Variants in GRID1 observed in about 807,000 individuals in gnomAD.
The protein encoded by GRID1 is glutamate receptor ionotropic, delta-1.
GRID1 carries 28 observed loss-of-function variants against 98.0 expected under a neutral mutation model. The ratio of observed to expected loss-of-function variants is 0.29; its 90% confidence interval spans 0.21 to 0.39. GRID1 has a LOEUF of 0.39. GRID1 is among the 10% of genes least tolerant of loss of function. The pLI is 1.00. For synonymous variants in GRID1, 553 were observed against 538.5 expected, an observed-to-expected ratio of 1.03 and a Z score of -0.37; for missense variants, 1,111 against 1,340.5, an observed-to-expected ratio of 0.83 and a Z score of 2.67.
intron 8 of GRID1, among the ~76,000 whole-genome samples, chr10:85,768,277 C>G (rs922284362): frequency 1.3e-5 from 2 of 151,692 alleles, no homozygotes; most frequent in South Asian, 2.1e-4. Context: ...AGGATGAATT[C>G]CAAAAAATCA....
rs200475062 is a variant in GRID1, at chr10:85,607,986, T to TA, written c.2602-5286dup. On this transcript the variant is annotated intron_variant, in intron 15 of 15. Transcript: ENST00000327946. ...TCACATACCATCTCACCTGGCTAAT[T>TA]AAAAAAAAATTGTAGAGACTGGGGT... Among the ~76,000 whole-genome samples, 1,062 of 151,030 alleles carry TA rather than the reference T, an allele frequency of 7.0e-3. 13 individuals carry two copies. Among genetic ancestry groups the TA allele is most frequent in the East Asian group, 0.048 (246 of 5,130 alleles).
At chr10:85,740,065 A>C (rs1841925288) in intron 8 of GRID1, among the ~76,000 whole-genome samples, 1 of 152,192 alleles carries the variant, frequency 6.6e-6, no homozygotes, top group Non-Finnish European at 1.5e-5. Flanking sequence ...AGTGCAATCT[A>C]GCTTATGACT....
intron 4 of GRID1, among the ~76,000 whole-genome samples, chr10:85,970,157 GAAATTGAATTGGTAATTTT>G (rs1842388413): frequency 6.6e-6 from 1 of 152,002 alleles, no homozygotes; most frequent in African/African-American, 2.4e-5. Context: ...AACAAGTTAA[GAAATTGAATTGGTAATTTT>G]AAAACTTCCC....
chr10:85,690,510 A>G (rs1841320002), intron 12 of GRID1, among the ~76,000 whole-genome samples: 1 of 152,200 alleles, frequency 6.6e-6, no homozygotes. Context: ...ACTATCTAAG[A>G]CCACCAAACA....
chr10:85,775,718 A>T (rs1842324490), intron 8 of GRID1, among the ~76,000 whole-genome samples: 1 of 152,162 alleles, frequency 6.6e-6, no homozygotes, highest in Non-Finnish European at 1.5e-5. Context: ...AAAATTTTAA[A>T]TTTTTTGTAA....
chr10:85,608,806 G>A (rs1407278368), intron 15 of GRID1, among the ~76,000 whole-genome samples: 3 of 152,182 alleles, frequency 2.0e-5, no homozygotes, highest in East Asian at 1.9e-4. Context: ...GATACACAGC[G>A]GTGTATGGTA....
In GRID1 at chr10:85,784,320, T is replaced by C. The variant is rs537913925; in HGVS notation, c.1234-54706A>G. 2.0e-5 allele frequency among the ~76,000 whole-genome samples: 3 copies of C among 152,234 alleles called. No homozygotes were observed. The East Asian group carries it at 5.8e-4, about 29-fold the overall frequency. On this transcript the variant is annotated intron_variant, in intron 8 of 15. Transcript: ENST00000327946. The stretch of plus-strand genomic sequence containing the variant: ...AACCAATCCTCAAGCCCATAAACAC[T>C]CCACAGCATGCACCTCAGGTGTGTC...
intron 2 of GRID1, among the ~76,000 whole-genome samples, chr10:86,344,962 C>T (rs1848361584): frequency 6.6e-6 from 1 of 152,222 alleles, no homozygotes; most frequent in African/African-American, 2.4e-5. Flanking sequence ...TAAATGCTCC[C>T]ACTTTCCCTG....
At position 85,958,970 on chromosome 10, in the gene GRID1, AAAG is replaced by A. The variant is rs1374818431; in HGVS notation, c.727-42734_727-42732del. Among the ~76,000 whole-genome samples, 286 of 148,554 alleles carry A rather than the reference AAAG, an allele frequency of 1.9e-3. 1 individual carries two copies. The highest frequency in any genetic ancestry group is 6.7e-3 in the African/African-American group (263 of 39,096). On this transcript the variant is annotated intron_variant, in intron 4 of 15. Transcript: ENST00000327946. ...GAAACTCCGTCTCAAAAAAAAAAAA[AAAG>A]AAAGAAAGAAAGAAAGAAAAAGAAA...
chr10:86,145,131 T>G (rs1290384357), intron 3 of GRID1, among the ~76,000 whole-genome samples: 1 of 152,224 alleles, frequency 6.6e-6, no homozygotes, highest in Admixed American at 6.5e-5. Context: ...AAAGCATCAG[T>G]CAATCAAGTT....
chr10:86,264,680 G>A (rs781754250), intron 2 of GRID1: 10 of 471,620 alleles, frequency 2.1e-5, no homozygotes, highest in Non-Finnish European at 4.4e-5. Flanking sequence ...GAAGAGCCAT[G>A]TCCCATGCAG....
chr10:85,779,037 A>C (rs2132723819), intron 8 of GRID1, among the ~76,000 whole-genome samples: 1 of 152,358 alleles, frequency 6.6e-6, no homozygotes, highest in South Asian at 2.1e-4. Context: ...AGTTCTGGAA[A>C]TGATTTAAGT....
intron 3 of GRID1, among the ~76,000 whole-genome samples, chr10:86,204,125 G>A (rs1366988593): frequency 6.6e-6 from 1 of 152,194 alleles, no homozygotes; most frequent in Non-Finnish European, 1.5e-5. Context: ...GGGTGGGGGA[G>A]TGTGACTGTA....
chr10:86,228,433 C>A lies in GRID1; in HGVS notation c.236-21785G>T, dbSNP rs144398083. ...CACAAAGGCACTTAGAAGGATTAAG[C>A]CTCCTTGATACAATTGGAGCAGCTG... On this transcript the variant is annotated intron_variant, in intron 2 of 15. Transcript: ENST00000327946. Among the ~76,000 whole-genome samples the A allele has an allele frequency of 6.2e-4, 95 of 152,218 alleles. 1 individual carries two copies. In the East Asian group the frequency reaches 8.5e-3, roughly 14 times the overall value.
intron 4 of GRID1, among the ~76,000 whole-genome samples, chr10:86,076,692 T>C (rs922268340): frequency 2.6e-5 from 4 of 152,148 alleles, no homozygotes; most frequent in Non-Finnish European, 4.4e-5. Context: ...GGCCATTCAG[T>C]CCTTCAACTG....
intron 2 of GRID1, among the ~76,000 whole-genome samples, chr10:86,245,913 T>C (rs1407931385): frequency 1.3e-5 from 2 of 152,198 alleles, no homozygotes; most frequent in African/African-American, 4.8e-5. Context: ...ATGGTCCCCA[T>C]TCCAGCTGCA....
intron 7 of GRID1, among the ~76,000 whole-genome samples, chr10:85,855,072 G>A (rs1281724196): frequency 6.6e-6 from 1 of 152,222 alleles, no homozygotes; most frequent in Admixed American, 6.5e-5. Flanking sequence ...ATGTGCATTG[G>A]AGGGCACAGC....
chr10:85,687,724 C>T (rs934351177), intron 12 of GRID1, among the ~76,000 whole-genome samples: 9 of 151,702 alleles, frequency 5.9e-5, no homozygotes, highest in East Asian at 1.9e-4. Context: ...GAGTATGAGA[C>T]GAGGGATTTT....
intron 8 of GRID1, among the ~76,000 whole-genome samples, chr10:85,823,625 G>A (rs1842792883): frequency 6.6e-6 from 1 of 151,718 alleles, no homozygotes; most frequent in African/African-American, 2.4e-5. Flanking sequence ...ATATTTAAAT[G>A]CAAATAATTA....
Sources: gnomAD v4.1 joint callset for allele counts (sites outside exome capture counted in the v4.1 genomes callset) on GRCh38, gnomAD v4.1.1 for gene constraint, MANE v1.5 for transcripts, NCBI Gene and HGNC (gene_info 2026-07-23, HGNC 2026-07-21) for gene names.